KHDRBS2: variants seen among roughly 807,000 people sequenced by gnomAD.
KHDRBS2 encodes the protein KH domain-containing, RNA-binding, signal transduction-associated protein 2.
Under a neutral mutation model 44.3 loss-of-function variants are expected in KHDRBS2, and 26 were observed. The observed-to-expected ratio is 0.59, with a 90% CI of 0.43 to 0.81. The LOEUF (loss-of-function observed/expected upper bound fraction) is 0.81, where lower values mean the gene tolerates loss of function less well. KHDRBS2 is among the 40% of genes least tolerant of loss of function. KHDRBS2 has a pLI of 0.00. For synonymous variants in KHDRBS2, 194 were observed against 151.1 expected (o/e 1.28, Z -2.08); for missense variants, 476 against 433.1 (o/e 1.10, Z -0.88).
At position 62,216,814 on chromosome 6, in the gene KHDRBS2, G is replaced by A. The variant is rs116301772; in HGVS notation, c.92-39502C>T. 8.0e-3 allele frequency among the ~76,000 whole-genome samples: 1,210 copies of A among 150,540 alleles called. 20 individuals carry two copies. Among genetic ancestry groups the A allele is most frequent in the African/African-American group, 0.028 (1,145 of 41,142 alleles). On this transcript the variant is annotated intron_variant, in intron 1 of 8. Transcript: ENST00000281156. The stretch of plus-strand genomic sequence containing the variant: ...CCAAAAGCCTAGATCACTTCGGTGA[G>A]ATACAGGAAAACTGAAGTTTGCACC...
At chr6:61,836,262 T>C (rs1356269989) in intron 6 of KHDRBS2, among the ~76,000 whole-genome samples, 5 of 152,054 alleles carry the variant, frequency 3.3e-5, no homozygotes, top group African/African-American at 1.2e-4. Flanking sequence ...CAAACTACTC[T>C]GGAACCCTGT....
At chr6:62,067,447 G>A (rs1793994404) in intron 2 of KHDRBS2, among the ~76,000 whole-genome samples, 1 of 151,444 alleles carries the variant, frequency 6.6e-6, no homozygotes, top group African/African-American at 2.4e-5. Context: ...AATTTAAATT[G>A]TCATGGCTGC....
chr6:61,814,810 T>G lies in KHDRBS2; in HGVS notation c.810+79825A>C, dbSNP rs182665254. ...CCCAGCAGATGTCTGAACCTGTGGA[T>G]AGTACTGAAAGCTATTTATACAGTT... On this transcript the variant is annotated intron_variant, in intron 6 of 8. Transcript: ENST00000281156. 6.6e-5 allele frequency among the ~76,000 whole-genome samples: 10 copies of G among 152,220 alleles called. No homozygotes were observed. The East Asian group carries it at 1.7e-3, about 27-fold the overall frequency.
chr6:61,888,329 C>T (rs1043877551), intron 6 of KHDRBS2, among the ~76,000 whole-genome samples: 5 of 152,130 alleles, frequency 3.3e-5, no homozygotes, highest in African/African-American at 4.8e-5. Flanking sequence ...TGGCTGAATG[C>T]CATTTTCCCA....
At chr6:61,615,837 C>T in the KHDRBS2 span, among the ~76,000 whole-genome samples, 2 of 152,166 alleles carry the variant, frequency 1.3e-5, no homozygotes, top group South Asian at 2.1e-4. Flanking sequence ...ATAAGCAATA[C>T]TCAACCTACA....
intron 4 of KHDRBS2, among the ~76,000 whole-genome samples, chr6:61,943,752 C>G (rs1812626196): frequency 6.6e-6 from 1 of 152,036 alleles, no homozygotes; most frequent in African/African-American, 2.4e-5. Context: ...AACTATGCAT[C>G]CAATAAGGGA....
At chr6:61,575,692 T>C in the KHDRBS2 span, among the ~76,000 whole-genome samples, 1 of 152,202 alleles carries the variant, frequency 6.6e-6, no homozygotes, top group Non-Finnish European at 1.5e-5. Flanking sequence ...TGCAAAAATA[T>C]GGAACCAGCC....
the KHDRBS2 span, among the ~76,000 whole-genome samples, chr6:61,561,245 G>A: frequency 6.6e-6 from 1 of 152,044 alleles, no homozygotes. Flanking sequence ...CTCCTGAGCT[G>A]CCTGAAACTT....
At position 61,894,829 on chromosome 6, in the gene KHDRBS2, G is replaced by GGCC; in HGVS notation, c.613_615dup (p.Gly205dup). 1 of 1,610,332 alleles carries GGCC rather than the reference G, an allele frequency of 6.2e-7. No homozygotes were observed. Among genetic ancestry groups the GGCC allele is most frequent in the Non-Finnish European group, 8.5e-7 (1 of 1,178,404 alleles). On this transcript the variant is annotated inframe_insertion, in exon 6 of 9. Coordinates refer to ENST00000281156, the MANE Select transcript of KHDRBS2 (RefSeq NM_152688.4). ...GGGGGAGGAGGAATGGCACCCCCAC[G>GGCC]GCCCCTAAGAGAAACAAGTCATGTA...
At chr6:61,990,773 G>A (rs1322079586) in intron 3 of KHDRBS2, among the ~76,000 whole-genome samples, 2 of 151,242 alleles carry the variant, frequency 1.3e-5, no homozygotes, top group East Asian at 1.9e-4. Context: ...GCAGTGGTGC[G>A]ATCTCGGCTC....
At chr6:61,559,357 T>G in the KHDRBS2 span, among the ~76,000 whole-genome samples, 1 of 151,978 alleles carries the variant, frequency 6.6e-6, no homozygotes, top group Non-Finnish European at 1.5e-5. Flanking sequence ...GTTTGGGTTT[T>G]TTTTTTTCTA....
chr6:61,770,003 T>C (rs1252649216), intron 6 of KHDRBS2, among the ~76,000 whole-genome samples: 3 of 152,026 alleles, frequency 2.0e-5, no homozygotes, highest in East Asian at 1.9e-4. Flanking sequence ...AGAGGAACGA[T>C]CAGGCAGCAG....
the KHDRBS2 span, among the ~76,000 whole-genome samples, chr6:61,559,357 T>C: frequency 6.6e-6 from 1 of 151,978 alleles, no homozygotes; most frequent in Non-Finnish European, 1.5e-5. Flanking sequence ...GTTTGGGTTT[T>C]TTTTTTTCTA....
intron 4 of KHDRBS2, among the ~76,000 whole-genome samples, chr6:61,901,656 G>C (rs1213588143): frequency 2.6e-5 from 4 of 152,124 alleles, no homozygotes; most frequent in Non-Finnish European, 5.9e-5. Context: ...CTGGAAAAAG[G>C]AAGATAGCAA....
chr6:62,154,872 C>T (rs1816019072), intron 2 of KHDRBS2, among the ~76,000 whole-genome samples: 1 of 152,096 alleles, frequency 6.6e-6, no homozygotes, highest in Non-Finnish European at 1.5e-5. Context: ...TGACTAATGG[C>T]ACAATTCAAG....
chr6:61,702,689 T>C (rs1200801492), intron 7 of KHDRBS2, among the ~76,000 whole-genome samples: 5 of 151,968 alleles, frequency 3.3e-5, no homozygotes, highest in African/African-American at 1.2e-4. Flanking sequence ...TCCACTTATA[T>C]TGACAGCAAT....
intron 6 of KHDRBS2, among the ~76,000 whole-genome samples, chr6:61,865,458 T>C (rs1337022221): frequency 6.6e-6 from 1 of 152,026 alleles, no homozygotes; most frequent in Admixed American, 6.6e-5. Context: ...AACTCCTCAT[T>C]ATAAAAACCA....
At chr6:62,055,262 A>C (rs1790002504) in intron 2 of KHDRBS2, among the ~76,000 whole-genome samples, 2 of 151,936 alleles carry the variant, frequency 1.3e-5, no homozygotes. Flanking sequence ...AAAAGACTTA[A>C]TAGATAAAGG....
the KHDRBS2 span, among the ~76,000 whole-genome samples, chr6:61,606,451 A>G: frequency 6.6e-6 from 1 of 152,198 alleles, no homozygotes; most frequent in Non-Finnish European, 1.5e-5. Context: ...TAAAACTGAC[A>G]AAAGGAAGGA....
Sources: gnomAD v4.1 joint callset for allele counts (sites outside exome capture counted in the v4.1 genomes callset) on GRCh38, gnomAD v4.1.1 for gene constraint, MANE v1.5 for transcripts, NCBI Gene and HGNC (gene_info 2026-07-23, HGNC 2026-07-21) for gene names.